Variants in KSR1 observed in about 807,000 individuals in gnomAD.
The protein encoded by KSR1 is kinase suppressor of ras.
KSR1 carries 35 observed loss-of-function variants against 92.9 expected under a neutral mutation model. The observed-to-expected ratio is 0.38, with a 90% confidence interval of 0.29 to 0.50. The LOEUF (loss-of-function observed/expected upper bound fraction) is 0.50, where lower values mean the gene tolerates loss of function less well. KSR1 is among the 20% of genes least tolerant of loss of function. The pLI, the probability that KSR1 is intolerant of heterozygous loss-of-function variation, is 0.94. For synonymous variants in KSR1, 467 were observed against 472.6 expected, an observed-to-expected ratio of 0.99 and a Z score of 0.15; for missense variants, 972 against 1,158.5, an observed-to-expected ratio of 0.84 and a Z score of 2.34.
chr17:27,505,289 T>C (rs991051995), intron 1 of KSR1, among the ~76,000 whole-genome samples: 2 of 152,178 alleles, frequency 1.3e-5, no homozygotes, highest in African/African-American at 2.4e-5. Context: ...GGCTCTACAG[T>C]GCAACCCGTT....
In KSR1 at chr17:27,617,352, C is replaced by CT; in HGVS notation, c.2552dup (p.Met852AspfsTer25). On this transcript the variant is annotated frameshift_variant, in exon 19 of 21. Transcript: ENST00000644974. LOFTEE classifies it high-confidence loss of function. ...GCAGGAGAGACCCAGCTTCAGCCTG[C>CT]TGATGGACATGCTGGAGAAACTTCC... 3 of 1,612,928 alleles carry CT rather than the reference C, an allele frequency of 1.9e-6. No individual in the cohort carries two copies. The highest frequency in any genetic ancestry group is 1.7e-6 in the Non-Finnish European group (2 of 1,179,398).
intron 1 of KSR1, among the ~76,000 whole-genome samples, chr17:27,525,710 C>T (rs2070231440): frequency 6.6e-6 from 1 of 152,242 alleles, no homozygotes; most frequent in South Asian, 2.1e-4. Context: ...TTAAGCTTTT[C>T]CAGGTTGCAG....
chr17:27,514,206 C>G (rs1356769843), intron 1 of KSR1, among the ~76,000 whole-genome samples: 1 of 152,250 alleles, frequency 6.6e-6, no homozygotes, highest in Non-Finnish European at 1.5e-5. Flanking sequence ...AAATAACACT[C>G]GGTCAGCCTG....
intron 1 of KSR1, among the ~76,000 whole-genome samples, chr17:27,535,876 C>G (rs2070734778): frequency 6.6e-6 from 1 of 152,186 alleles, no homozygotes; most frequent in Non-Finnish European, 1.5e-5. Context: ...GGAGTCAGGG[C>G]TGAGTTTCAA....
intron 1 of KSR1, among the ~76,000 whole-genome samples, chr17:27,528,649 A>C (rs1277638562): frequency 1.3e-5 from 2 of 152,104 alleles, no homozygotes; most frequent in African/African-American, 4.8e-5. Context: ...CTGTAATCCC[A>C]GTGCTTTGGG....
Position 27,577,670 on chromosome 17 carries a change from C to A in KSR1, c.520+31C>A. The A allele has an allele frequency of 6.7e-7, 1 of 1,499,148 alleles. No individual in the cohort carries two copies. Among genetic ancestry groups the A allele is most frequent in the Non-Finnish European group, 9.0e-7 (1 of 1,112,200 alleles). The allele number at this position is 1,499,148 out of a possible 1,614,324, so 92.9% of individuals were successfully genotyped here. A position where few individuals can be genotyped will look rare whatever the true frequency, so the allele number is the denominator to read the frequency against. ...TGGGGCCTGCCACCCTCTCCCTTGC[C>A]TGGCCTGGTGCCCTTGGGGCTGTGG... On this transcript the variant is annotated intron_variant, in intron 3 of 20. Transcript: ENST00000644974. The surrounding 1 kb of genome is among the most constrained non-coding windows in gnomAD (Gnocchi z 4.5).
chr17:27,566,866 C>G (rs966193994), intron 2 of KSR1, among the ~76,000 whole-genome samples: 1 of 152,154 alleles, frequency 6.6e-6, no homozygotes, highest in African/African-American at 2.4e-5. Flanking sequence ...GAGCATGCTG[C>G]TTTTTTACAG....
At chr17:27,510,135 C>T (rs375683080) in intron 1 of KSR1, among the ~76,000 whole-genome samples, 3 of 152,228 alleles carry the variant, frequency 2.0e-5, no homozygotes, top group Non-Finnish European at 4.4e-5. Flanking sequence ...GCACCTTGTC[C>T]GGAGAGAACC....
At chr17:27,514,767 G>T (rs2069727961) in intron 1 of KSR1, among the ~76,000 whole-genome samples, 1 of 152,110 alleles carries the variant, frequency 6.6e-6, no homozygotes, top group African/African-American at 2.4e-5. Context: ...GCTCCACGTT[G>T]CTGCCTCCTG....
Position 27,577,522 on chromosome 17 carries a change from C to T in KSR1, c.403C>T (p.Leu135=), listed in dbSNP as rs1375661464. Residue 135 remains leucine, a synonymous_variant, in exon 3 of 21, where the codon CTG becomes TTG. Coordinates refer to ENST00000644974, the MANE Select transcript of KSR1 (RefSeq NM_001394583.1). The surrounding 1 kb of genome is among the most constrained non-coding windows in gnomAD (Gnocchi z 4.5). ...EIPRDLTLDA[L]LEMNEAKVKE... is the part of the protein sequence containing the mutation. ...CCCCCGAGACCTCACGCTGGATGCC[C>T]TGCTGGAGATGAATGAGGCCAAGGT... is the stretch of plus-strand genomic sequence containing the variant. 2.5e-6 allele frequency: 4 copies of T among 1,599,908 alleles called. No homozygotes were observed. The highest frequency in any genetic ancestry group is 1.7e-5 in the Admixed American group (1 of 59,100).
At chr17:27,504,376 GCAGGCTGTGGCA>G (rs2069300273) in intron 1 of KSR1, among the ~76,000 whole-genome samples, 1 of 152,148 alleles carries the variant, frequency 6.6e-6, no homozygotes, top group South Asian at 2.1e-4. Flanking sequence ...AGGGCCTCTC[GCAGGCTGTGGCA>G]CAGTCACGTT....
chr17:27,475,626 C>T (rs967501057), intron 1 of KSR1, among the ~76,000 whole-genome samples: 5 of 152,332 alleles, frequency 3.3e-5, no homozygotes, highest in Middle Eastern at 3.4e-3. Context: ...ACGGGGACAG[C>T]GATGCCCTTC....
chr17:27,479,596 C>T (rs1379861996), intron 1 of KSR1, among the ~76,000 whole-genome samples: 1 of 152,124 alleles, frequency 6.6e-6, no homozygotes, highest in African/African-American at 2.4e-5. Context: ...CAGTTGAGAC[C>T]CCTTCATCTC....
At chr17:27,526,070 C>CTCTTTCTT (rs1555576389) in intron 1 of KSR1, among the ~76,000 whole-genome samples, 6,323 of 81,142 alleles carry the variant, frequency 0.078, 701 homozygotes, top group East Asian at 0.48. Flanking sequence ...CTCTTTCTTT[C>CTCTTTCTT]TCTTTCTTTC....
At chr17:27,618,549 G>T (rs1186886772) in intron 19 of KSR1, among the ~76,000 whole-genome samples, 1 of 152,208 alleles carries the variant, frequency 6.6e-6, no homozygotes, top group Admixed American at 6.5e-5. Flanking sequence ...CTCACTCTGG[G>T]GCTGACTTCG....
chr17:27,554,953 T>A (rs745669908), intron 2 of KSR1, among the ~76,000 whole-genome samples: 1 of 152,242 alleles, frequency 6.6e-6, no homozygotes. Flanking sequence ...ATTAACGTTG[T>A]CGTGACCACA....
chr17:27,562,785 A>G lies in KSR1; in HGVS notation c.372+12077A>G, dbSNP rs62057817. Among the ~76,000 whole-genome samples the G allele has an allele frequency of 8.1e-3, 1,235 of 152,330 alleles. 13 individuals are homozygous for G. Among genetic ancestry groups the G allele is most frequent in the Non-Finnish European group, 0.013 (905 of 68,028 alleles). ...ATTTCAGTGGCCCCTGCTCCTAGCT[A>G]TGTACCTTTGGGGGAGGCCACAGGA... On this transcript the variant is annotated intron_variant, in intron 2 of 20. Coordinates refer to ENST00000644974, the MANE Select transcript of KSR1 (RefSeq NM_001394583.1).
intron 12 of KSR1, among the ~76,000 whole-genome samples, chr17:27,604,372 C>T (rs549470931): frequency 1.3e-5 from 2 of 152,282 alleles, no homozygotes; most frequent in South Asian, 2.1e-4. Context: ...CGTCAGATTC[C>T]GAGTCCTGTG....
intron 14 of KSR1, among the ~76,000 whole-genome samples, chr17:27,606,791 CAAA>C (rs34072070): frequency 7.8e-5 from 9 of 116,008 alleles, no homozygotes; most frequent in Admixed American, 5.3e-4. Flanking sequence ...GACTCCATCT[CAAA>C]AAAAAAAAAA....
Sources: gnomAD v4.1 joint callset for allele counts (sites outside exome capture counted in the v4.1 genomes callset) on GRCh38, gnomAD v4.1.1 for gene constraint, Gnocchi (gnomAD v3.1) non-coding constraint, MANE v1.5 for transcripts, NCBI Gene and HGNC (gene_info 2026-07-23, HGNC 2026-07-21) for gene names.